The following USP30 variants were observed in gnomAD, a reference collection of about 807,000 sequenced individuals.
The protein encoded by USP30 is ubiquitin specific peptidase 30.
Under a neutral mutation model 68.2 loss-of-function variants are expected in USP30, and 41 were observed. The ratio of observed to expected loss-of-function variants is 0.60; its 90% CI spans 0.47 to 0.78. The LOEUF is 0.78. Among genes scored for constraint, USP30 ranks in the 30% least tolerant of loss-of-function variants. The pLI, the probability that USP30 is intolerant of heterozygous loss-of-function variation, is 0.00. For synonymous variants in USP30, 229 were observed against 253.7 expected, an observed-to-expected ratio of 0.90 and a Z score of 0.93; for missense variants, 522 against 649.4, an observed-to-expected ratio of 0.80 and a Z score of 2.13.
chr12:109,048,711 G>C (rs1593228367), upstream of USP30, among the ~76,000 whole-genome samples: 1 of 145,582 alleles, frequency 6.9e-6, no homozygotes, highest in East Asian at 2.0e-4. Context: ...CTGCACTCCA[G>C]CCTGGGCAAC....
chr12:109,075,471 C>CT lies in USP30; in HGVS notation c.720+1940dup, dbSNP rs2041572062. On this transcript the variant is annotated intron_variant, in intron 7 of 12. Coordinates refer to ENST00000257548, the MANE Select transcript of USP30 (RefSeq NM_032663.5). ...GTTCAAGCAATTCTCCCACCACAGT[C>CT]TCCCAAGTAGCTGGGATTACAGGCA... is the stretch of plus-strand genomic sequence containing the variant. 2.0e-5 allele frequency among the ~76,000 whole-genome samples: 3 copies of CT among 152,326 alleles called. No homozygotes were observed. The South Asian group carries it at 6.2e-4, about 32-fold the overall frequency.
At chr12:109,083,196 C>G in intron 11 of USP30, 134 bp downstream of exon 11, 2 of 860,850 alleles carry the variant, frequency 2.3e-6, no homozygotes, top group Non-Finnish European at 3.4e-6. Context: ...TTGAGAACAG[C>G]AGGATTGGGG....
At chr12:109,081,578 T>C in intron 8 of USP30, 185 bp downstream of exon 8, 1 of 705,306 alleles carries the variant, frequency 1.4e-6, no homozygotes, top group Non-Finnish European at 2.3e-6. Flanking sequence ...GTTTTTCTTT[T>C]GCTCCAGAAA....
intron 3 of USP30, among the ~76,000 whole-genome samples, chr12:109,029,629 A>G (rs183280529): frequency 2.6e-5 from 4 of 152,306 alleles, no homozygotes; most frequent in African/African-American, 9.6e-5. Flanking sequence ...TGCCTGAGCT[A>G]TCTTATCTGT....
chr12:109,067,734 T>A, intron 4 of USP30, 107 bp downstream of exon 4: 2 of 906,138 alleles, frequency 2.2e-6, no homozygotes, highest in Non-Finnish European at 3.4e-6. Flanking sequence ...TGTGACATTT[T>A]AGACAACTTT....
intron 3 of USP30, among the ~76,000 whole-genome samples, chr12:109,031,230 C>G (rs914622570): frequency 2.6e-5 from 4 of 152,110 alleles, no homozygotes; most frequent in African/African-American, 9.7e-5. Flanking sequence ...TTACATAAAA[C>G]AACAACCCAT....
intron 3 of USP30, among the ~76,000 whole-genome samples, chr12:109,059,526 A>G (rs2040990500): frequency 6.7e-6 from 1 of 148,672 alleles, no homozygotes; most frequent in Admixed American, 6.7e-5. Context: ...ATTTTATTTT[A>G]TTTTTGAGAC....
intron 2 of USP30, among the ~76,000 whole-genome samples, chr12:109,025,588 A>G (rs1737964709): frequency 6.6e-6 from 1 of 152,126 alleles, no homozygotes; most frequent in African/African-American, 2.4e-5. Flanking sequence ...GAAAACAAAA[A>G]CTAGCCATAT....
chr12:109,056,550 G>C, intron 1 of USP30, 132 bp from the exon 2 acceptor site: 4 of 583,438 alleles, frequency 6.9e-6, no homozygotes, highest in South Asian at 2.4e-5. Flanking sequence ...GTAATCCTAT[G>C]ACTATATGTT....
At chr12:109,030,382 C>A (rs1388928742) in intron 3 of USP30, among the ~76,000 whole-genome samples, 1 of 152,146 alleles carries the variant, frequency 6.6e-6, no homozygotes, top group African/African-American at 2.4e-5. Context: ...ATATGTCAAA[C>A]TCCCACTATA....
chr12:109,079,339 C>CTT (rs750712233), intron 7 of USP30, among the ~76,000 whole-genome samples: 36 of 62,274 alleles, frequency 5.8e-4, no homozygotes, highest in East Asian at 9.6e-4. Context: ...TTTTCTTTTT[C>CTT]TTTTTTTTTT....
chr12:109,071,505 A>G, intron 4 of USP30, 107 bp from the exon 5 acceptor site: 1 of 861,138 alleles, frequency 1.2e-6, no homozygotes, highest in Non-Finnish European at 1.9e-6. Flanking sequence ...GAAGGTAGAA[A>G]GCAAATTCTA....
chr12:109,040,619 T>G (rs59890684), intron 3 of USP30, among the ~76,000 whole-genome samples: 2,328 of 152,272 alleles, frequency 0.015, 22 homozygotes, highest in African/African-American at 0.031. Flanking sequence ...ATCTGAAGAC[T>G]TGACTGGGGC....
intron 3 of USP30, among the ~76,000 whole-genome samples, chr12:109,030,548 T>C (rs2040473597): frequency 1.3e-5 from 2 of 152,224 alleles, no homozygotes; most frequent in African/African-American, 4.8e-5. Context: ...GTAACGATAC[T>C]TGAAATTTCT....
rs2041413487 is a variant in USP30 at position 109,070,750 on chromosome 12, G to A, written c.481-862G>A. Among the ~76,000 whole-genome samples the A allele has an allele frequency of 6.6e-6, 1 of 152,142 alleles. No individual in the cohort carries two copies. Among genetic ancestry groups the A allele is most frequent in the South Asian group, 2.1e-4 (1 of 4,820 alleles). On this transcript the variant is annotated intron_variant, in intron 4 of 12. Coordinates refer to ENST00000257548, the MANE Select transcript of USP30 (RefSeq NM_032663.5). This position sits in a 1 kb window ranked among gnomAD's most constrained non-coding sequence, Gnocchi z 4.0. ...CATTTGAGTTGATCCTTCAAGAGTA[G>A]TCCCATGCCATTGGATCCAGCAACC...
At chr12:109,077,827 G>C (rs554972051) in intron 7 of USP30, among the ~76,000 whole-genome samples, 24 of 151,796 alleles carry the variant, frequency 1.6e-4, no homozygotes, top group South Asian at 2.1e-4. Context: ...GTTTGTGTTG[G>C]GGGGGGAGGG....
In USP30 at chr12:109,071,704, C is replaced by T; in HGVS notation, c.573C>T (p.Ser191=). 1 of 1,613,936 alleles carries T rather than the reference C, an allele frequency of 6.2e-7. No individual in the cohort carries two copies. Among genetic ancestry groups the T allele is most frequent in the Non-Finnish European group, 8.5e-7 (1 of 1,179,860 alleles). The change falls in exon 5 of 13, where the codon TCC becomes TCT. Residue 191 remains serine, a synonymous_variant. Transcript: ENST00000257548. The part of the protein sequence containing the change: ...PRVTHLFDVH[S]LEQQSEITPK... ...TCACACATTTGTTTGATGTGCATTC[C>T]CTGGAGGTAAACCATTAATATTTCC...
At chr12:109,084,497 G>T (rs927888804) in intron 11 of USP30, among the ~76,000 whole-genome samples, 1 of 152,132 alleles carries the variant, frequency 6.6e-6, no homozygotes, top group African/African-American at 2.4e-5. Context: ...ATCACTACTG[G>T]GGGAGGGGTG....
chr12:109,043,277 A>G, intron 3 of USP30, among the ~76,000 whole-genome samples: 1 of 152,188 alleles, frequency 6.6e-6, no homozygotes, highest in East Asian at 1.9e-4. Flanking sequence ...GGGACCCCAA[A>G]TAGCCAAAAC....
Sources: gnomAD v4.1 joint callset for allele counts (sites outside exome capture counted in the v4.1 genomes callset) on GRCh38, gnomAD v4.1.1 for gene constraint, Gnocchi (gnomAD v3.1) non-coding constraint, MANE v1.5 for transcripts, NCBI Gene and HGNC (gene_info 2026-07-23, HGNC 2026-07-21) for gene names.